The following NAT10 variants were observed in gnomAD, a reference collection of about 807,000 sequenced individuals.
NAT10 encodes the protein N-acetyltransferase 10.
A neutral mutation model predicts 132.2 loss-of-function variants in NAT10; 109 were observed. That is an observed-to-expected ratio of 0.82 (90% CI 0.71 to 0.97). NAT10 has a LOEUF of 0.97. Ranked by LOEUF, NAT10 falls within the 50% of genes least tolerant of loss-of-function variation. The probability of loss-of-function intolerance (pLI) is 0.00; values close to 1 mark genes in which losing one functional copy is unlikely to be tolerated. For synonymous variants in NAT10, 479 were observed against 478.0 expected (o/e 1.00, Z -0.03); for missense variants, 1,184 against 1,263.4 (o/e 0.94, Z 0.95).
chr11:34,145,668 A>G (rs1377679152), intron 28 of NAT10, among the ~76,000 whole-genome samples: 1 of 152,188 alleles, frequency 6.6e-6, no homozygotes. Context: ...CATGCCTTGT[A>G]TTAAGGACTG....
chr11:34,139,563 C>G, intron 23 of NAT10, 68 bp downstream of exon 23: 1 of 1,402,456 alleles, frequency 7.1e-7, no homozygotes, highest in East Asian at 2.3e-5. Context: ...GGTGTGGTGT[C>G]CTAGGAAGGG....
At position 34,123,769 on chromosome 11, in the gene NAT10, A is replaced by G. The variant is rs770492925; in HGVS notation, c.922A>G (p.Asn308Asp). The change falls in exon 10 of 29, where the codon AAT becomes GAT. Residue 308 changes from asparagine (N) to aspartate (D), a missense_variant. Coordinates refer to ENST00000257829, the MANE Select transcript of NAT10 (RefSeq NM_024662.3). ...TTTTATTTTGTTCTGTAGGTACTCC[A>G]ATATCTTTGTTACCTCCCCAAGCCC... The part of the protein sequence containing the change: ...IAGAVAFGYS[N>D]IFVTSPSPDN... The G allele has an allele frequency of 3.1e-6, 5 of 1,596,828 alleles. No individual in the cohort carries two copies. Among genetic ancestry groups the G allele is most frequent in the Non-Finnish European group, 3.4e-6 (4 of 1,164,358 alleles).
intron 12 of NAT10, among the ~76,000 whole-genome samples, chr11:34,128,304 A>AGC (rs1488984675): frequency 3.3e-5 from 5 of 151,422 alleles, no homozygotes; most frequent in Non-Finnish European, 7.4e-5. Flanking sequence ...CAGTGAGCCG[A>AGC]GATTGCACCA....
chr11:34,140,054 C>G (rs1035884388), intron 23 of NAT10, among the ~76,000 whole-genome samples: 1 of 152,188 alleles, frequency 6.6e-6, no homozygotes, highest in Non-Finnish European at 1.5e-5. Context: ...TTGAGCTGGG[C>G]AGAGCTTACA....
rs1851937302 is a variant in NAT10, at chr11:34,123,785, C to G, written c.938C>G (p.Ser313Cys). 1 of 1,609,136 alleles carries G rather than the reference C, an allele frequency of 6.2e-7. No individual in the cohort carries two copies. The highest frequency in any genetic ancestry group is 8.5e-7 in the Non-Finnish European group (1 of 1,175,606). The change falls in exon 10 of 29, where the codon TCC becomes TGC. Residue 313 changes from serine to cysteine, a missense_variant. Coordinates refer to ENST00000257829, the MANE Select transcript of NAT10 (RefSeq NM_024662.3). Reference protein sequence around the residue: ...AFGYSNIFVTSPSPDNLHTLF... With the variant: ...AFGYSNIFVTCPSPDNLHTLF... ...AGGTACTCCAATATCTTTGTTACCT[C>G]CCCAAGCCCTGATAACCTCCATACT...
chr11:34,112,264 T>C (rs1428332655), intron 4 of NAT10, 41 bp downstream of exon 4: 2 of 1,612,342 alleles, frequency 1.2e-6, no homozygotes, highest in South Asian at 2.2e-5. Flanking sequence ...GTCAGAGTCT[T>C]GAGGGTTGCT....
chr11:34,113,724 A>T lies in NAT10; in HGVS notation c.381A>T (p.Glu127Asp), dbSNP rs752854377. ...ACGCCCCCTTCTTCCAGGATTTTGA[A>T]GCCTTAACTCCAAACTTGCTGGCCA... ...TFGMCVLQDF[E>D]ALTPNLLART... is the part of the protein sequence containing the mutation. The change falls in exon 5 of 29, where the codon GAA becomes GAT. Residue 127 changes from glutamate (E) to aspartate (D), a missense_variant. Transcript: ENST00000257829. 5.6e-6 allele frequency: 9 copies of T among 1,612,588 alleles called. No individual in the cohort carries two copies. The African/African-American group carries it at 1.1e-4, about 19-fold the overall frequency.
chr11:34,136,265 A>C (rs980052229), intron 19 of NAT10, among the ~76,000 whole-genome samples: 1 of 152,100 alleles, frequency 6.6e-6, no homozygotes, highest in Non-Finnish European at 1.5e-5. Flanking sequence ...TATTTCCAGT[A>C]GCGATGGGGT....
chr11:34,115,757 A>G, intron 5 of NAT10, 66 bp from the exon 6 acceptor site: 2 of 1,540,706 alleles, frequency 1.3e-6, no homozygotes, highest in Non-Finnish European at 1.8e-6. Flanking sequence ...AGAGCTTTGT[A>G]TTTGGACCCT....
At chr11:34,144,746 A>T (rs57823937) in intron 28 of NAT10, among the ~76,000 whole-genome samples, 1 of 152,164 alleles carries the variant, frequency 6.6e-6, no homozygotes, top group African/African-American at 2.4e-5. Flanking sequence ...TGGGAGTACA[A>T]TGAGGCCTCC....
chr11:34,143,313 A>G lies in NAT10; in HGVS notation c.2886-132A>G, dbSNP rs114633474. 97 of 752,432 alleles carry G rather than the reference A, an allele frequency of 1.3e-4. 1 individual carries two copies. In the African/African-American group the frequency reaches 1.6e-3, roughly 13 times the overall value. 46.6% of individuals were successfully genotyped at this position (752,432 alleles called of 1,614,324 possible). A position where few individuals can be genotyped will look rare whatever the true frequency, so the allele number is the denominator to read the frequency against. ...TCCCCTCTGTCCTTTCTGCTGTTCA[A>G]ATGCTGACACAGCTCAGCCTGGCTT... On this transcript the variant is annotated intron_variant, in intron 27 of 28. Transcript: ENST00000257829.
At chr11:34,122,674 T>C in intron 9 of NAT10, 82 bp downstream of exon 9, 1 of 1,549,140 alleles carries the variant, frequency 6.5e-7, no homozygotes, top group Non-Finnish European at 8.8e-7. Context: ...AGGACTGGTA[T>C]CTCACGTTCC....
chr11:34,136,978 G>A lies in NAT10; in HGVS notation c.2163G>A (p.Lys721=), dbSNP rs759259465. ...ACCTACTGTCTTTGTATCTTTGCAG[G>A]TTCTGGAAACGAGCTGGATTTGTTC... ...VSYGLTPRLL[K]FWKRAGFVPV... The change falls in exon 21 of 29, where the codon AAG becomes AAA. Residue 721 remains lysine, a splice_region_variant and synonymous_variant. Coordinates refer to ENST00000257829, the MANE Select transcript of NAT10 (RefSeq NM_024662.3). 6.2e-7 allele frequency: 1 copy of A among 1,614,202 alleles called. No homozygotes were observed.
At chr11:34,131,284 T>G in intron 13 of NAT10, 97 bp from the exon 14 acceptor site, 4 of 1,474,278 alleles carry the variant, frequency 2.7e-6, no homozygotes, top group Non-Finnish European at 3.6e-6. Context: ...CTGGCCACCA[T>G]GGGACAAATA....
At chr11:34,132,013 T>C (rs1344993196) in intron 14 of NAT10, 112 bp from the exon 15 acceptor site, 6 of 803,454 alleles carry the variant, frequency 7.5e-6, no homozygotes, top group East Asian at 2.5e-5. Flanking sequence ...GTGTTTCTGC[T>C]TAGGACACTG....
chr11:34,136,003 T>C (rs1406948172), intron 19 of NAT10, among the ~76,000 whole-genome samples: 2 of 151,810 alleles, frequency 1.3e-5, no homozygotes, highest in Non-Finnish European at 2.9e-5. Flanking sequence ...GTTTGTCACT[T>C]CCTAAGGCTG....
chr11:34,128,694 C>A lies in NAT10; in HGVS notation c.1244+1095C>A, dbSNP rs540565010. On this transcript the variant is annotated intron_variant, in intron 12 of 28. Transcript: ENST00000257829. ...CAAACAGCTTTATTGAGATATAACT[C>A]ACATACTGTACTATCTATCCATTTA... Among the ~76,000 whole-genome samples the A allele has an allele frequency of 1.6e-4, 25 of 152,306 alleles. No homozygotes were observed. The South Asian group carries it at 5.0e-3, about 30-fold the overall frequency.
chr11:34,126,902 CG>C (rs1181180816), intron 11 of NAT10, among the ~76,000 whole-genome samples: 1 of 152,146 alleles, frequency 6.6e-6, no homozygotes, highest in Admixed American at 6.5e-5. Context: ...TAGAAATGTC[CG>C]TCAGTGCAGG....
At chr11:34,145,495 C>T (rs939161786) in intron 28 of NAT10, among the ~76,000 whole-genome samples, 22 of 152,230 alleles carry the variant, frequency 1.4e-4, no homozygotes, top group African/African-American at 5.1e-4. Flanking sequence ...GGCAGGTGGC[C>T]GTTTGCTGAG....
Sources: gnomAD v4.1 joint callset for allele counts (sites outside exome capture counted in the v4.1 genomes callset) on GRCh38, gnomAD v4.1.1 for gene constraint, MANE v1.5 for transcripts, NCBI Gene and HGNC (gene_info 2026-07-23, HGNC 2026-07-21) for gene names.